Variants in NPAS3 observed in about 807,000 individuals in gnomAD.
NPAS3 encodes neuronal PAS domain protein 3, also known as neuronal PAS domain-containing protein 3.
In NPAS3, 14 loss-of-function variants were observed where a neutral mutation model predicts 73.1. That is an observed-to-expected ratio of 0.19 (90% CI 0.13 to 0.30). The LOEUF is 0.30. Among genes scored for constraint, NPAS3 ranks in the 10% least tolerant of loss-of-function variants. The pLI is 1.00. For missense variants in NPAS3, 1,096 were observed against 1,250.0 expected (o/e 0.88, Z 1.86); for synonymous variants, 620 against 541.5 (o/e 1.14, Z -2.01).
At chr14:33,141,012 AG>A (rs1287561973) in intron 2 of NPAS3, among the ~76,000 whole-genome samples, 5 of 152,226 alleles carry the variant, frequency 3.3e-5, no homozygotes, top group Non-Finnish European at 4.4e-5. Context: ...GCAGCCTCCC[AG>A]GAGAAGTAAT....
chr14:33,467,136 G>T (rs548722213), intron 4 of NPAS3, among the ~76,000 whole-genome samples: 1 of 152,136 alleles, frequency 6.6e-6, no homozygotes, highest in Admixed American at 6.6e-5. Context: ...GTGACTTTGC[G>T]CTGCTCACTG....
intron 5 of NPAS3, among the ~76,000 whole-genome samples, chr14:33,622,697 G>T (rs1567062193): frequency 6.6e-6 from 1 of 152,174 alleles, no homozygotes; most frequent in East Asian, 1.9e-4. Context: ...TATGGTGCAT[G>T]TGGTTTATCT....
chr14:33,539,834 G>T (rs1595113320), intron 4 of NPAS3, among the ~76,000 whole-genome samples: 1 of 152,180 alleles, frequency 6.6e-6, no homozygotes, highest in South Asian at 2.1e-4. Context: ...TCACTGTTTG[G>T]GGGGTTTGTC....
chr14:33,150,815 T>A (rs962469621), intron 2 of NPAS3, among the ~76,000 whole-genome samples: 1 of 152,210 alleles, frequency 6.6e-6, no homozygotes, highest in Non-Finnish European at 1.5e-5. Context: ...GCAGTCTAAG[T>A]GAGAAGTCAG....
At chr14:33,622,276 C>T (rs941000613) in intron 5 of NPAS3, among the ~76,000 whole-genome samples, 1 of 151,682 alleles carries the variant, frequency 6.6e-6, no homozygotes. Context: ...CATAAGAAAG[C>T]GGATTTCCGT....
At chr14:33,500,267 A>G (rs2052446748) in intron 4 of NPAS3, among the ~76,000 whole-genome samples, 1 of 151,952 alleles carries the variant, frequency 6.6e-6, no homozygotes, top group Admixed American at 6.6e-5. Context: ...TGGGAGTTTA[A>G]GAATCCCAAG....
chr14:33,338,908 A>C (rs1271999811), intron 3 of NPAS3, among the ~76,000 whole-genome samples: 1 of 152,194 alleles, frequency 6.6e-6, no homozygotes, highest in African/African-American at 2.4e-5. Flanking sequence ...CTGAAAAATC[A>C]CATATTCTGA....
intron 2 of NPAS3, among the ~76,000 whole-genome samples, chr14:33,089,743 A>G (rs2042159904): frequency 6.6e-6 from 1 of 152,220 alleles, no homozygotes; most frequent in African/African-American, 2.4e-5. Flanking sequence ...AAGGGCAGCC[A>G]GAGAGAAAGG....
Position 33,132,359 on chromosome 14 carries a change from T to A in NPAS3, c.140+76365T>A, listed in dbSNP as rs568781654. On this transcript the variant is annotated intron_variant, in intron 2 of 11. Coordinates refer to ENST00000356141, the Ensembl canonical transcript of NPAS3. ...GGGTAGTGAGGCAGAGCGAAGGGAA[T>A]GAGTATCCAGATGATTTTGGATTTT... is the stretch of plus-strand genomic sequence containing the variant. 2.0e-5 allele frequency among the ~76,000 whole-genome samples: 3 copies of A among 152,246 alleles called. No individual in the cohort carries two copies. In the East Asian group the frequency reaches 5.8e-4, roughly 29 times the overall value.
At chr14:33,470,824 A>G (rs1229980494) in intron 4 of NPAS3, among the ~76,000 whole-genome samples, 1 of 152,140 alleles carries the variant, frequency 6.6e-6, no homozygotes, top group Admixed American at 6.5e-5. Context: ...TTTAAGAAAG[A>G]TGGTGACCAT....
Position 33,618,598 on chromosome 14 carries a change from C to G in NPAS3, c.559-57613C>G, listed in dbSNP as rs866831794. 3.9e-5 allele frequency among the ~76,000 whole-genome samples: 6 copies of G among 152,314 alleles called. No homozygotes were observed. In the South Asian group the frequency reaches 1.2e-3, roughly 32 times the overall value. ...CGCTGGCTCACCTGCTGCTCACTTC[C>G]TGCTGTGTGGTCCGATTCCTAACAG... On this transcript the variant is annotated intron_variant, in intron 5 of 11. Coordinates refer to ENST00000356141, the Ensembl canonical transcript of NPAS3.
chr14:33,765,092 G>A (rs996788568), intron 7 of NPAS3, among the ~76,000 whole-genome samples: 16 of 152,050 alleles, frequency 1.1e-4, no homozygotes, highest in African/African-American at 3.9e-4. Context: ...TAATGGGGGG[G>A]CCAGGCACAT....
At chr14:32,966,745 C>T (rs1295995575) in intron 1 of NPAS3, among the ~76,000 whole-genome samples, 9 of 71,436 alleles carry the variant, frequency 1.3e-4, no homozygotes, top group Non-Finnish European at 2.5e-4. Context: ...AGTCCGCAGT[C>T]CGGCCTGGGC....
intron 5 of NPAS3, among the ~76,000 whole-genome samples, chr14:33,592,782 T>A (rs1331797990): frequency 1.3e-5 from 2 of 152,200 alleles, no homozygotes; most frequent in Non-Finnish European, 2.9e-5. Context: ...AGTAAGAGAA[T>A]AAAACAGAGA....
rs142822333 is a variant in NPAS3 at position 33,680,263 on chromosome 14, G to A, written c.733+3878G>A. 3.5e-4 allele frequency among the ~76,000 whole-genome samples: 53 copies of A among 152,266 alleles called. No individual in the cohort carries two copies. In the East Asian group the frequency reaches 9.3e-3, roughly 27 times the overall value. ...GAAAAGCAGCTCTCAAGAAATCCTG[G>A]AGGAACTTTAAAACTCTTCCTATGT... On this transcript the variant is annotated intron_variant, in intron 6 of 11. Coordinates refer to ENST00000356141, the Ensembl canonical transcript of NPAS3.
chr14:33,325,366 G>C (rs1453987676), intron 3 of NPAS3, among the ~76,000 whole-genome samples: 1 of 152,084 alleles, frequency 6.6e-6, no homozygotes, highest in African/African-American at 2.4e-5. Flanking sequence ...AATTGGCTGG[G>C]CACAGTGGCT....
At chr14:33,260,193 A>G (rs147589199) in intron 3 of NPAS3, among the ~76,000 whole-genome samples, 1,550 of 152,248 alleles carry the variant, frequency 0.01, 11 homozygotes, top group Non-Finnish European at 0.016. Context: ...TTGTTATGAG[A>G]TGAGATTCTT....
chr14:33,749,164 TAGAGAG>T (rs2061888167), intron 7 of NPAS3, among the ~76,000 whole-genome samples: 1 of 152,190 alleles, frequency 6.6e-6, no homozygotes, highest in African/African-American at 2.4e-5. Context: ...TAATAGTGAT[TAGAGAG>T]AAATACTCCT....
intron 2 of NPAS3, among the ~76,000 whole-genome samples, chr14:33,062,310 A>G (rs2138583744): frequency 6.6e-6 from 1 of 152,276 alleles, no homozygotes; most frequent in East Asian, 1.9e-4. Context: ...AGAAAAAAAA[A>G]AAGAAGGAAT....
Sources: allele counts gnomAD v4.1 joint callset (sites outside exome capture counted in the v4.1 genomes callset), GRCh38; gene constraint gnomAD v4.1.1; transcripts MANE v1.5; gene names NCBI Gene and HGNC (gene_info 2026-07-23, HGNC 2026-07-21).